The following FKBP1B variants were observed in gnomAD, a reference collection of about 807,000 sequenced individuals.
FKBP1B encodes the protein peptidyl-prolyl cis-trans isomerase FKBP1B.
A neutral mutation model predicts 13.5 loss-of-function variants in FKBP1B; 4 were observed. The ratio of observed to expected loss-of-function variants is 0.30; its 90% CI spans 0.15 to 0.68. The LOEUF (loss-of-function observed/expected upper bound fraction) is 0.68, where lower values mean the gene tolerates loss of function less well. Ranked by LOEUF, FKBP1B falls within the 30% of genes least tolerant of loss-of-function variation. The pLI is 0.76. For missense variants in FKBP1B, 93 were observed against 136.2 expected (o/e 0.68, Z 1.58); for synonymous variants, 54 against 53.6 (o/e 1.01, Z -0.03).
the FKBP1B span, among the ~76,000 whole-genome samples, chr2:24,034,624 C>T: frequency 2.7e-5 from 4 of 145,628 alleles, no homozygotes; most frequent in Admixed American, 1.4e-4. Flanking sequence ...CCCAGGCTGG[C>T]GTGCAGTGGC....
upstream of FKBP1B, chr2:24,047,470 C>T (rs1178897565): frequency 6.6e-6 from 1 of 152,092 alleles, no homozygotes; most frequent in Non-Finnish European, 1.5e-5. Context: ...GTGGGTGGTC[C>T]TCTGATAGGA....
the FKBP1B span, chr2:24,037,570 G>A: frequency 7.9e-7 from 1 of 1,272,632 alleles, no homozygotes. Flanking sequence ...GCCCAGCTTA[G>A]TGAAGCTCAG....
Position 24,063,478 on chromosome 2 carries a change from TTC to T in FKBP1B, c.*287_*288del. 3.0e-6 allele frequency: 1 copy of T among 337,470 alleles called. No individual in the cohort carries two copies. Among genetic ancestry groups the T allele is most frequent in the South Asian group, 9.3e-5 (1 of 10,756 alleles). The allele number at this position is 337,470 out of a possible 1,614,324, so 20.9% of individuals were successfully genotyped here. On this transcript the variant is annotated 3_prime_UTR_variant, in exon 4 of 4. Coordinates refer to ENST00000380986, the MANE Select transcript of FKBP1B (RefSeq NM_004116.5). The stretch of plus-strand genomic sequence containing the variant: ...CTGATGACAGAACACAGATCTCTTG[TTC>T]GCACAATCTACACTGCCTTACCTTC...
At chr2:24,034,469 G>T in the FKBP1B span, among the ~76,000 whole-genome samples, 1 of 151,694 alleles carries the variant, frequency 6.6e-6, no homozygotes, top group Non-Finnish European at 1.5e-5. Flanking sequence ...AATGCAGACA[G>T]TAAAGCCCCC....
the FKBP1B span, among the ~76,000 whole-genome samples, chr2:24,042,303 C>T: frequency 6.6e-6 from 1 of 151,760 alleles, no homozygotes; most frequent in Admixed American, 6.6e-5. Flanking sequence ...TTTGGGAGGC[C>T]GAGGCAGGCG....
At chr2:24,042,590 T>C in the FKBP1B span, among the ~76,000 whole-genome samples, 2 of 143,384 alleles carry the variant, frequency 1.4e-5, no homozygotes, top group Admixed American at 1.4e-4. Flanking sequence ...ATGCCTGTAA[T>C]CCCAGCTACT....
intron 3 of FKBP1B, among the ~76,000 whole-genome samples, chr2:24,062,623 C>G (rs1225902696): frequency 6.6e-6 from 1 of 152,116 alleles, no homozygotes; most frequent in Non-Finnish European, 1.5e-5. Flanking sequence ...CACAATAGGT[C>G]CCCCTTGCCA....
chr2:24,052,042 G>C (rs1663902585), intron 1 of FKBP1B, among the ~76,000 whole-genome samples: 1 of 152,200 alleles, frequency 6.6e-6, no homozygotes, highest in African/African-American at 2.4e-5. Flanking sequence ...TGCCCAAACA[G>C]AAAACCCAAG....
At chr2:24,052,847 T>G (rs1245966252) in intron 1 of FKBP1B, among the ~76,000 whole-genome samples, 1 of 152,070 alleles carries the variant, frequency 6.6e-6, no homozygotes, top group African/African-American at 2.4e-5. Flanking sequence ...AGCATGCACT[T>G]GCAGTACTAG....
chr2:24,045,906 G>A (rs145800413), upstream of FKBP1B: 124 of 152,252 alleles, frequency 8.1e-4, no homozygotes, highest in African/African-American at 2.9e-3. Context: ...GCACAGGGAT[G>A]ACTTGCAAAT....
At chr2:24,059,827 G>A (rs1354316098) in intron 2 of FKBP1B, among the ~76,000 whole-genome samples, 4 of 147,922 alleles carry the variant, frequency 2.7e-5, no homozygotes, top group Admixed American at 6.8e-5. Flanking sequence ...CCCGGGAGGC[G>A]GAGGTTGCAG....
chr2:24,056,343 T>G (rs1021195698), intron 2 of FKBP1B, among the ~76,000 whole-genome samples: 2 of 151,256 alleles, frequency 1.3e-5, no homozygotes, highest in Admixed American at 6.6e-5. Context: ...TCATTGTGGG[T>G]TTTTTTGTTT....
rs749109136 is a variant in FKBP1B, at chr2:24,060,942, G to A, written c.198+16G>A. On this transcript the variant is annotated intron_variant, in intron 3 of 3. Transcript: ENST00000380986. Reference sequence around the variant, plus strand: ...TGCAGCCCAGGTAGGATGAGGATTCGCATTAAAGGGGATCTGGGGAGTTGG... The same window carrying A: ...TGCAGCCCAGGTAGGATGAGGATTCACATTAAAGGGGATCTGGGGAGTTGG... 14 of 1,580,644 alleles carry A rather than the reference G, an allele frequency of 8.9e-6. No homozygotes were observed. The highest frequency in any genetic ancestry group is 1.1e-5 in the South Asian group (1 of 90,240).
In FKBP1B at chr2:24,050,102, TCGGAGGCGGGGGTCTGCGGCC is replaced by T. The variant is rs1028596001; in HGVS notation, c.37+240_37+260del. 1.3e-4 allele frequency among the ~76,000 whole-genome samples: 20 copies of T among 151,414 alleles called. No homozygotes were observed. The highest frequency in any genetic ancestry group is 2.0e-4 in the Admixed American group (3 of 15,252). ...CACCTAGGGGAATGTAGGCGGCAGC[TCGGAGGCGGGGGTCTGCGGCC>T]CGGAGGCGGGGGTCTGCGGCCCGCC... On this transcript the variant is annotated intron_variant, in intron 1 of 3. Transcript: ENST00000380986. The surrounding 1 kb of genome is among the most constrained non-coding windows in gnomAD (Gnocchi z 5.8).
chr2:24,047,318 G>A (rs1014565194), upstream of FKBP1B: 7 of 151,904 alleles, frequency 4.6e-5, no homozygotes, highest in Admixed American at 2.0e-4. Flanking sequence ...AAATACCTTA[G>A]GTCTCACTGC....
In FKBP1B at chr2:24,049,875, C is replaced by A; in HGVS notation, c.26C>A (p.Ser9Tyr). The change falls in exon 1 of 4, where the codon TCC becomes TAC. Residue 9 changes from serine (S) to tyrosine (Y), a missense_variant. By Grantham distance (144) the Ser-to-Tyr change is moderately radical. Coordinates refer to ENST00000380986, the MANE Select transcript of FKBP1B (RefSeq NM_004116.5). ...ATGGGCGTGGAGATCGAGACCATCT[C>A]CCCCGGAGACGGTACCGGGCTCCCT... MGVEIETI[S>Y]PGDGRTFPKK... 7.0e-7 allele frequency: 1 copy of A among 1,425,990 alleles called. No homozygotes were observed. The highest frequency in any genetic ancestry group is 9.2e-7 in the Non-Finnish European group (1 of 1,088,674). 88.3% of individuals were successfully genotyped at this position (1,425,990 alleles called of 1,614,324 possible). A position where few individuals can be genotyped will look rare whatever the true frequency, so the allele number is the denominator to read the frequency against.
chr2:24,049,846 C>T lies in FKBP1B; in HGVS notation c.-4C>T. ...CCCCCAGAGGCGGGGCCTGTGGGAC[C>T]GCTATGGGCGTGGAGATCGAGACCA... On this transcript the variant is annotated 5_prime_UTR_variant, in exon 1 of 4. Transcript: ENST00000380986. 2 of 1,417,666 alleles carry T rather than the reference C, an allele frequency of 1.4e-6. No homozygotes were observed. The highest frequency in any genetic ancestry group is 1.8e-6 in the Non-Finnish European group (2 of 1,083,508). 87.8% of individuals were successfully genotyped at this position (1,417,666 alleles called of 1,614,324 possible). A position where few individuals can be genotyped will look rare whatever the true frequency, so the allele number is the denominator to read the frequency against.
the FKBP1B span, chr2:24,039,022 C>G: frequency 1.2e-6 from 2 of 1,614,068 alleles, no homozygotes; most frequent in Non-Finnish European, 1.7e-6. Context: ...ACAGTGAATG[C>G]GGCCCTGGGT....
chr2:24,049,908 C>T (rs2150959034), intron 1 of FKBP1B, 22 bp downstream of exon 1: 1 of 1,395,654 alleles, frequency 7.2e-7, no homozygotes, highest in Admixed American at 2.9e-5. Context: ...CCTCCGGAGC[C>T]AGGGGAGGGG....
Sources: allele counts gnomAD v4.1 joint callset (sites outside exome capture counted in the v4.1 genomes callset), GRCh38; gene constraint gnomAD v4.1.1; non-coding constraint Gnocchi (gnomAD v3.1); transcripts MANE v1.5; gene names NCBI Gene and HGNC (gene_info 2026-07-23, HGNC 2026-07-21).